TMEFF1: variants seen among roughly 807,000 people sequenced by gnomAD.
TMEFF1 encodes the protein tomoregulin-1.
TMEFF1 carries 20 observed loss-of-function variants against 47.5 expected under a neutral mutation model. The ratio of observed to expected loss-of-function variants is 0.42; its 90% CI spans 0.30 to 0.61. The LOEUF is 0.61. Among genes scored for constraint, TMEFF1 ranks in the 20% least tolerant of loss-of-function variants. The probability of loss-of-function intolerance (pLI) is 0.19; values close to 1 mark genes in which losing one functional copy is unlikely to be tolerated. For synonymous variants in TMEFF1, 162 were observed against 166.3 expected, an observed-to-expected ratio of 0.97 and a Z score of 0.20; for missense variants, 411 against 471.1, an observed-to-expected ratio of 0.87 and a Z score of 1.18.
At chr9:100,504,432 GACTTA>G (rs1309018943) in intron 2 of TMEFF1, among the ~76,000 whole-genome samples, 3 of 152,180 alleles carry the variant, frequency 2.0e-5, no homozygotes, top group Admixed American at 6.5e-5. Flanking sequence ...ATACACCACT[GACTTA>G]ACTTGAGTGT....
chr9:100,523,885 T>G (rs1472174301), intron 5 of TMEFF1, among the ~76,000 whole-genome samples: 1 of 152,200 alleles, frequency 6.6e-6, no homozygotes. Context: ...GGAGTTGTGA[T>G]TTGCCAAAAT....
chr9:100,541,586 T>G (rs947153227), intron 5 of TMEFF1, among the ~76,000 whole-genome samples: 1 of 151,834 alleles, frequency 6.6e-6, no homozygotes, highest in African/African-American at 2.4e-5. Context: ...GTTGGCCAGG[T>G]GGGTCTCAAA....
chr9:100,532,340 C>T (rs1412693449), intron 5 of TMEFF1, among the ~76,000 whole-genome samples: 187 of 152,220 alleles, frequency 1.2e-3, no homozygotes, highest in African/African-American at 4.3e-3. Context: ...GCAACCTACT[C>T]ATCTGACAAA....
At chr9:100,485,061 G>T (rs1392342838) in intron 1 of TMEFF1, among the ~76,000 whole-genome samples, 2 of 152,064 alleles carry the variant, frequency 1.3e-5, no homozygotes, top group Non-Finnish European at 2.9e-5. Context: ...TTTATAATTG[G>T]CTTCTTTCTC....
rs147377711 is a variant in TMEFF1, at chr9:100,568,583, C to T, written c.900-3935C>T. On this transcript the variant is annotated intron_variant, in intron 8 of 9. Transcript: ENST00000374879. ...GTCAACTGTCCTCCCTCCCTCCTTC[C>T]TTCCCTCCCTCTCTTCCTTCCTTCC... 4.1e-4 allele frequency among the ~76,000 whole-genome samples: 54 copies of T among 130,702 alleles called. No homozygotes were observed. In the East Asian group the frequency reaches 7.2e-3, roughly 17 times the overall value. The allele number at this position is 130,702 out of a possible 152,430, so 85.7% of individuals were successfully genotyped here.
intron 2 of TMEFF1, among the ~76,000 whole-genome samples, chr9:100,502,465 T>A (rs2118333507): frequency 6.6e-6 from 1 of 152,166 alleles, no homozygotes; most frequent in Non-Finnish European, 1.5e-5. Flanking sequence ...GCTCAAATGA[T>A]CTTCCCACCC....
intron 8 of TMEFF1, among the ~76,000 whole-genome samples, 177 bp from the exon 9 acceptor site, chr9:100,572,341 A>T (rs1167145514): frequency 1.3e-5 from 2 of 152,318 alleles, no homozygotes; most frequent in South Asian, 4.1e-4. Context: ...CCATGTAGGC[A>T]TATCAGAAAG....
intron 5 of TMEFF1, among the ~76,000 whole-genome samples, chr9:100,535,814 A>G (rs891571428): frequency 1.3e-5 from 2 of 152,150 alleles, no homozygotes; most frequent in African/African-American, 4.8e-5. Flanking sequence ...AAATCTGTTA[A>G]CTTTACCAGA....
rs541732437 is a variant in TMEFF1 at position 100,501,879 on chromosome 9, G to A, written c.306+3005G>A. On this transcript the variant is annotated intron_variant, in intron 2 of 9. Transcript: ENST00000374879. ...AGGATGGTCTCGAACTCTTGACCTC[G>A]TGAACCGCCTGCCTTGGCCTCCCAA... Among the ~76,000 whole-genome samples the A allele has an allele frequency of 5.9e-5, 9 of 152,216 alleles. No homozygotes were observed. The East Asian group carries it at 1.5e-3, about 26-fold the overall frequency.
At chr9:100,535,542 G>A (rs1008400901) in intron 5 of TMEFF1, among the ~76,000 whole-genome samples, 1 of 152,194 alleles carries the variant, frequency 6.6e-6, no homozygotes. Flanking sequence ...AGGCCGAGGT[G>A]GGGGAATCAC....
Position 100,540,998 on chromosome 9 carries a change from T to C in TMEFF1, c.561-6746T>C, listed in dbSNP as rs1004362548. The stretch of plus-strand genomic sequence containing the variant: ...TGGGCTATGTTTATCTTTTTGTTTG[T>C]AACTTGTCTTCTTATTCTCTTTATG... On this transcript the variant is annotated intron_variant, in intron 5 of 9. Transcript: ENST00000374879. 5.9e-5 allele frequency among the ~76,000 whole-genome samples: 9 copies of C among 152,346 alleles called. 1 individual carries two copies. In the East Asian group the frequency reaches 1.7e-3, roughly 29 times the overall value.
chr9:100,508,891 A>G (rs1837911262), intron 2 of TMEFF1, 114 bp from the exon 3 acceptor site: 2 of 1,183,508 alleles, frequency 1.7e-6, no homozygotes, highest in East Asian at 3.1e-5. Flanking sequence ...AAAAAACCCC[A>G]GACTATTCAG....
At chr9:100,509,200 T>G in intron 3 of TMEFF1, 66 bp downstream of exon 3, 1 of 1,419,076 alleles carries the variant, frequency 7.0e-7, no homozygotes, top group Non-Finnish European at 9.2e-7. Context: ...AAAGGGGGTT[T>G]TGAGTCAGAG....
intron 1 of TMEFF1, among the ~76,000 whole-genome samples, chr9:100,479,167 A>G (rs1383541093): frequency 6.6e-6 from 1 of 152,208 alleles, no homozygotes; most frequent in Non-Finnish European, 1.5e-5. Context: ...GTGGATGGAT[A>G]ATAATTAATT....
chr9:100,566,840 G>A (rs975458691), intron 8 of TMEFF1, among the ~76,000 whole-genome samples: 1 of 152,002 alleles, frequency 6.6e-6, no homozygotes, highest in Admixed American at 6.5e-5. Flanking sequence ...GAATAGCTGG[G>A]ATTACAGGCG....
chr9:100,574,115 A>T (rs74930072), intron 9 of TMEFF1, among the ~76,000 whole-genome samples: 15,294 of 152,292 alleles, frequency 0.1, 961 homozygotes, highest in Middle Eastern at 0.17. Flanking sequence ...CTTGGGAAAC[A>T]TGTTTGCCCA....
At position 100,557,454 on chromosome 9, in the gene TMEFF1, T is replaced by A. The variant is rs60237524; in HGVS notation, c.776-3943T>A. ...ATTCAAATTTTTCCATAATCTAGTTTTAGCCTACTTTTCCAACTTTGACAT... is the reference window on the plus strand; with the variant it reads ...ATTCAAATTTTTCCATAATCTAGTTATAGCCTACTTTTCCAACTTTGACAT... On this transcript the variant is annotated intron_variant, in intron 7 of 9. Coordinates refer to ENST00000374879, the MANE Select transcript of TMEFF1 (RefSeq NM_003692.5). Among the ~76,000 whole-genome samples, 988 of 152,272 alleles carry A rather than the reference T, an allele frequency of 6.5e-3. 7 individuals are homozygous for A. Among genetic ancestry groups the A allele is most frequent in the African/African-American group, 0.023 (950 of 41,544 alleles).
intron 1 of TMEFF1, among the ~76,000 whole-genome samples, chr9:100,487,459 C>T (rs1435142731): frequency 2.6e-5 from 4 of 152,176 alleles, no homozygotes; most frequent in African/African-American, 9.7e-5. Flanking sequence ...TAAGCCACTG[C>T]GCCCAGCCTC....
At chr9:100,536,710 A>T (rs1838518862) in intron 5 of TMEFF1, among the ~76,000 whole-genome samples, 1 of 152,142 alleles carries the variant, frequency 6.6e-6, no homozygotes, top group Non-Finnish European at 1.5e-5. Context: ...GTGTGATAAG[A>T]TTGTGGTACC....
Sources: gnomAD v4.1 joint callset for allele counts (sites outside exome capture counted in the v4.1 genomes callset) on GRCh38, gnomAD v4.1.1 for gene constraint, MANE v1.5 for transcripts, NCBI Gene and HGNC (gene_info 2026-07-23, HGNC 2026-07-21) for gene names.